ZNF787: variants seen among roughly 807,000 people sequenced by gnomAD.
ZNF787 encodes the protein TTF-I-interacting peptide 20.
Under a neutral mutation model 16.9 loss-of-function variants are expected in ZNF787, and 7 were observed. The ratio of observed to expected loss-of-function variants is 0.42; its 90% confidence interval spans 0.24 to 0.78. The LOEUF (loss-of-function observed/expected upper bound fraction) is 0.78. Ranked by LOEUF, ZNF787 falls within the 30% of genes least tolerant of loss-of-function variation. The pLI is 0.30. For synonymous variants in ZNF787, 345 were observed against 270.9 expected (o/e 1.27, Z -2.69); for missense variants, 551 against 589.3 (o/e 0.94, Z 0.67).
chr19:56,109,431 ACCGGGAGCTGAGG>A, intron 1 of ZNF787, among the ~76,000 whole-genome samples: 1 of 152,242 alleles, frequency 6.6e-6, no homozygotes, highest in East Asian at 1.9e-4. Flanking sequence ...CATCACCAGC[ACCGGGAGCTGAGG>A]CTGAGAGACA....
chr19:56,103,054 G>A (rs1599949695), intron 2 of ZNF787, 85 bp downstream of exon 2: 2 of 1,477,068 alleles, frequency 1.4e-6, no homozygotes, highest in African/African-American at 2.8e-5. Flanking sequence ...ACAGGGAAGG[G>A]GGGTTTCCTC....
intron 1 of ZNF787, among the ~76,000 whole-genome samples, chr19:56,107,736 G>A (rs2029876982): frequency 6.6e-6 from 1 of 152,070 alleles, no homozygotes; most frequent in Non-Finnish European, 1.5e-5. Context: ...GCTGGGGTGG[G>A]CCCTCAGAAA....
chr19:56,089,057 TG>T lies in ZNF787; in HGVS notation c.114del (p.Ser39AlafsTer43). The T allele has an allele frequency of 1.4e-6, 2 of 1,465,642 alleles. No homozygotes were observed. The highest frequency in any genetic ancestry group is 2.7e-5 in the Admixed American group (1 of 36,892). The allele number at this position is 1,465,642 out of a possible 1,614,324, so 90.8% of individuals were successfully genotyped here. On this transcript the variant is annotated frameshift_variant, in exon 3 of 3. Transcript: ENST00000610935. LOFTEE classifies it high-confidence loss of function. ...GGGGACAGCTTGGTGGGAGGCCAGC[TG>T]GGGACGTCGTCATCATCCATGATGA... ...DILIMDDDDV[P>X]SWPPTKLSPP...
At chr19:56,102,082 A>C (rs529375692) in intron 2 of ZNF787, 1 of 152,356 alleles carries the variant, frequency 6.6e-6, no homozygotes, top group East Asian at 1.9e-4. Context: ...CAGATCTCAG[A>C]AATCACTCAA....
At chr19:56,107,591 G>A (rs945228087) in intron 1 of ZNF787, among the ~76,000 whole-genome samples, 1 of 151,792 alleles carries the variant, frequency 6.6e-6, no homozygotes, top group Non-Finnish European at 1.5e-5. Context: ...GGAGAAAGAG[G>A]GTCACCAGGA....
chr19:56,094,347 T>C (rs192033506), intron 2 of ZNF787, among the ~76,000 whole-genome samples: 95 of 151,924 alleles, frequency 6.3e-4, no homozygotes, highest in African/African-American at 2.0e-3. Flanking sequence ...TGTGTGTGTG[T>C]GCTCTTAGTA....
At chr19:56,109,381 ACGTGAAACACGCCCTC>A (rs2029914887) in intron 1 of ZNF787, among the ~76,000 whole-genome samples, 1 of 152,060 alleles carries the variant, frequency 6.6e-6, no homozygotes, top group Admixed American at 6.5e-5. Flanking sequence ...ATGAAACCCC[ACGTGAAACACGCCCTC>A]CTCGTAGAGG....
chr19:56,108,870 C>T (rs926525579), intron 1 of ZNF787, among the ~76,000 whole-genome samples: 1 of 152,206 alleles, frequency 6.6e-6, no homozygotes, highest in African/African-American at 2.4e-5. Flanking sequence ...AACATGCTTG[C>T]AGCCCGACCA....
chr19:56,109,838 C>T (rs1214187662), intron 1 of ZNF787, among the ~76,000 whole-genome samples: 3 of 151,800 alleles, frequency 2.0e-5, no homozygotes, highest in Non-Finnish European at 4.4e-5. Flanking sequence ...GAGCCGAGAT[C>T]ACGCCACTGC....
intron 1 of ZNF787, among the ~76,000 whole-genome samples, chr19:56,111,807 G>A (rs994019402): frequency 9.9e-5 from 15 of 152,266 alleles, no homozygotes; most frequent in East Asian, 5.8e-4. Flanking sequence ...ACGGGCAGCC[G>A]CGGTACCAGT....
intron 1 of ZNF787, among the ~76,000 whole-genome samples, chr19:56,111,030 T>C (rs545804129): frequency 1.3e-5 from 2 of 152,350 alleles, no homozygotes; most frequent in South Asian, 4.1e-4. Flanking sequence ...TACTAATACC[T>C]TTTACATGTT....
Position 56,087,918 on chromosome 19 carries a change from G to A in ZNF787, c.*105C>T, listed in dbSNP as rs1355213617. On this transcript the variant is annotated 3_prime_UTR_variant, in exon 3 of 3. Coordinates refer to ENST00000610935, the MANE Select transcript of ZNF787 (RefSeq NM_001002836.4). Reference sequence around the variant, plus strand: ...GGCGGGGAGCCGGGGATGCCGCGGGGTCCATCGCACCCCGTCCGCTTCTCC... The same window carrying A: ...GGCGGGGAGCCGGGGATGCCGCGGGATCCATCGCACCCCGTCCGCTTCTCC... 3.1e-6 allele frequency: 4 copies of A among 1,280,536 alleles called. No individual in the cohort carries two copies. The highest frequency in any genetic ancestry group is 3.9e-6 in the Non-Finnish European group (4 of 1,014,188). 79.3% of individuals were successfully genotyped at this position (1,280,536 alleles called of 1,614,324 possible).
At chr19:56,118,083 C>T (rs1289342038) in intron 1 of ZNF787, among the ~76,000 whole-genome samples, 1 of 152,246 alleles carries the variant, frequency 6.6e-6, no homozygotes, top group Non-Finnish European at 1.5e-5. Context: ...GGGGCCGCCC[C>T]ACCTGGGCTC....
chr19:56,088,812 C>T lies in ZNF787; in HGVS notation c.360G>A (p.Lys120=), dbSNP rs1241353778. 6.2e-7 allele frequency: 1 copy of T among 1,612,070 alleles called. No homozygotes were observed. Among genetic ancestry groups the T allele is most frequent in the Non-Finnish European group, 8.5e-7 (1 of 1,179,248 alleles). ...TGCCGCACTCCAAGCAGGCGTAGGG[C>T]TTCTCGCCCGTGTGGATGCGCCGGT... ...VQHRRIHTGE[K]PYACLECGKR... The change falls in exon 3 of 3, where the codon AAG becomes AAA. Residue 120 remains lysine (K), a synonymous_variant. Coordinates refer to ENST00000610935, the MANE Select transcript of ZNF787 (RefSeq NM_001002836.4). This position sits in a 1 kb window ranked among gnomAD's most constrained non-coding sequence, Gnocchi z 8.6.
At chr19:56,098,489 C>T (rs954486811) in intron 2 of ZNF787, among the ~76,000 whole-genome samples, 6 of 146,380 alleles carry the variant, frequency 4.1e-5, no homozygotes, top group South Asian at 2.2e-4. Flanking sequence ...TGATGCCGCC[C>T]GGGTGATTAC....
intron 1 of ZNF787, among the ~76,000 whole-genome samples, chr19:56,106,580 CCA>C (rs775883655): frequency 3.9e-5 from 6 of 152,224 alleles, no homozygotes; most frequent in Non-Finnish European, 8.8e-5. Flanking sequence ...CCGTCTGGCC[CCA>C]GTTCCTGGTG....
At chr19:56,095,082 C>T (rs975949023) in intron 2 of ZNF787, among the ~76,000 whole-genome samples, 2 of 152,200 alleles carry the variant, frequency 1.3e-5, no homozygotes, top group Admixed American at 6.5e-5. Flanking sequence ...CCATCGCACT[C>T]CAGCCTCAGT....
intron 2 of ZNF787, among the ~76,000 whole-genome samples, chr19:56,090,801 G>A (rs981647919): frequency 5.3e-5 from 8 of 152,174 alleles, no homozygotes; most frequent in East Asian, 1.9e-4. Context: ...CAGCCTGGGC[G>A]ACAGAGCAAG....
chr19:56,105,812 G>A (rs665846), intron 1 of ZNF787, among the ~76,000 whole-genome samples: 136,337 of 146,148 alleles, frequency 0.93, 64,211 homozygotes, highest in Non-Finnish European at 0.99. Flanking sequence ...TCAGTTTTGC[G>A]ACCCTCACCA....
Sources: allele counts gnomAD v4.1 joint callset (sites outside exome capture counted in the v4.1 genomes callset), GRCh38; gene constraint gnomAD v4.1.1; non-coding constraint Gnocchi (gnomAD v3.1); transcripts MANE v1.5; gene names NCBI Gene and HGNC (gene_info 2026-07-23, HGNC 2026-07-21).